Variants in SMG5 observed in about 807,000 individuals in gnomAD.
SMG5 encodes the protein SMG5 nonsense mediated mRNA decay factor.
Under a neutral mutation model 122.9 loss-of-function variants are expected in SMG5, and 53 were observed. That is an observed-to-expected ratio of 0.43 (90% CI 0.35 to 0.54). SMG5 has a LOEUF of 0.54. Ranked by LOEUF, SMG5 falls within the 20% of genes least tolerant of loss-of-function variation. SMG5 has a pLI of 0.01. For synonymous variants in SMG5, 477 were observed against 490.2 expected, an observed-to-expected ratio of 0.97 and a Z score of 0.35; for missense variants, 1,153 against 1,285.6, an observed-to-expected ratio of 0.90 and a Z score of 1.58.
At chr1:156,252,887 ACT>A (rs762918126) in intron 18 of SMG5, 30 bp downstream of exon 18, 55 of 1,515,290 alleles carry the variant, frequency 3.6e-5, no homozygotes, top group South Asian at 2.8e-4. Flanking sequence ...TTTTAGTCAT[ACT>A]CTGTCTCCTT....
upstream of SMG5, chr1:156,286,573 C>T: frequency 8.4e-7 from 1 of 1,188,560 alleles, no homozygotes; most frequent in South Asian, 1.4e-5. Context: ...TTTCCGGATT[C>T]TACACTGGCC....
Position 156,261,446 on chromosome 1 carries a change from G to A in SMG5, c.2032-38C>T, listed in dbSNP as rs770341259. 5.1e-6 allele frequency: 8 copies of A among 1,560,500 alleles called. No homozygotes were observed. In the East Asian group the frequency reaches 1.3e-4, roughly 26 times the overall value. On this transcript the variant is annotated intron_variant, in intron 13 of 21. Transcript: ENST00000361813. The stretch of plus-strand genomic sequence containing the variant: ...AAGGGAGAGGAGGCCTTCAGCTAGA[G>A]ACAGTGGTGGAGAACAGCAGTGAGC...
chr1:156,290,538 T>TA, the SMG5 span: 106,195 of 139,014 alleles, frequency 0.76, 40,587 homozygotes, highest in Non-Finnish European at 0.78. Context: ...ATCTATAATT[T>TA]AAAAAAAAAA....
At chr1:156,284,988 G>A (rs1051227204), upstream of SMG5, among the ~76,000 whole-genome samples, 1 of 152,110 alleles carries the variant, frequency 6.6e-6, no homozygotes, top group Non-Finnish European at 1.5e-5. Flanking sequence ...TCGAAAGGGT[G>A]CCTCCATTTC....
chr1:156,261,616 G>T (rs1454059167), intron 13 of SMG5, among the ~76,000 whole-genome samples: 4 of 152,090 alleles, frequency 2.6e-5, no homozygotes, highest in Admixed American at 2.6e-4. Context: ...GGCTGGGCAC[G>T]GTGGTTCATG....
chr1:156,261,200 G>A (rs1485964828), intron 14 of SMG5, 133 bp downstream of exon 14: 7 of 819,500 alleles, frequency 8.5e-6, no homozygotes, highest in Non-Finnish European at 1.2e-5. Context: ...AATGACTGCT[G>A]TGTGCTAGGG....
At chr1:156,280,770 C>T (rs1662900292) in intron 1 of SMG5, among the ~76,000 whole-genome samples, 1 of 152,176 alleles carries the variant, frequency 6.6e-6, no homozygotes, top group Admixed American at 6.5e-5. Flanking sequence ...TCTCATTTTC[C>T]ATCAGATCAT....
chr1:156,284,122 G>C (rs7534489), upstream of SMG5, among the ~76,000 whole-genome samples: 4,619 of 152,260 alleles, frequency 0.03, 227 homozygotes, highest in African/African-American at 0.11. Flanking sequence ...GAGTTCTTAC[G>C]CATTCCAGGT....
At chr1:156,259,204 C>T (rs770523340) in intron 15 of SMG5, 41 bp from the exon 16 acceptor site, 3 of 1,512,288 alleles carry the variant, frequency 2.0e-6, no homozygotes, top group Admixed American at 2.2e-5. Flanking sequence ...TGAGCAGGGC[C>T]CTCTAGACCC....
chr1:156,279,058 T>C (rs1442808421), intron 1 of SMG5, 24 bp from the exon 2 acceptor site: 1 of 1,595,670 alleles, frequency 6.3e-7, no homozygotes, highest in Non-Finnish European at 8.6e-7. Flanking sequence ...CAGGCAAATA[T>C]CCCCTCAGCC....
At position 156,253,070 on chromosome 1, in the gene SMG5, C is replaced by A; in HGVS notation, c.2511G>T (p.Val837=). The part of the protein sequence containing the change: ...DMAQLRLQLE[V]SQLEGSLQQP... ...GCTGCAGGCTGCCCTCCAGCTGAGA[C>A]ACTTCGAGCTGGTGAGAGAGGGCAA... The change falls in exon 18 of 22, where the codon GTG becomes GTT. Residue 837 remains valine (V), a synonymous_variant. Coordinates refer to ENST00000361813, the MANE Select transcript of SMG5 (RefSeq NM_015327.3). The A allele has an allele frequency of 6.2e-7, 1 of 1,604,742 alleles. No individual in the cohort carries two copies.
intron 14 of SMG5, 78 bp downstream of exon 14, chr1:156,261,255 G>A: frequency 7.2e-7 from 1 of 1,389,560 alleles, no homozygotes; most frequent in South Asian, 1.2e-5. Context: ...CAAGGGCTGG[G>A]TTATGGGGAG....
At chr1:156,286,295 T>C (rs1379834193), upstream of SMG5, 1 of 1,614,256 alleles carries the variant, frequency 6.2e-7, no homozygotes, top group South Asian at 1.1e-5. Context: ...GTTATGCTTT[T>C]CTGCCCTTCG....
intron 12 of SMG5, among the ~76,000 whole-genome samples, chr1:156,265,518 G>C (rs918100498): frequency 6.6e-6 from 1 of 152,318 alleles, no homozygotes; most frequent in Non-Finnish European, 1.5e-5. Flanking sequence ...CAATTGTTGT[G>C]TAGGGAGGAA....
At position 156,249,512 on chromosome 1, in the gene SMG5, C is replaced by T; in HGVS notation, c.*1075G>A. ...GCAGCCTCCCACACACAGCCCTGCT[C>T]TTGGTGCGCCATTCACTGCCCTGAG... On this transcript the variant is annotated 3_prime_UTR_variant, in exon 22 of 22. Coordinates refer to ENST00000361813, the MANE Select transcript of SMG5 (RefSeq NM_015327.3). 2 of 356,576 alleles carry T rather than the reference C, an allele frequency of 5.6e-6. 1 individual carries two copies. Among genetic ancestry groups the T allele is most frequent in the South Asian group, 4.2e-5 (2 of 47,494 alleles). 22.1% of individuals were successfully genotyped at this position (356,576 alleles called of 1,614,324 possible). A position where few individuals can be genotyped will look rare whatever the true frequency, so the allele number is the denominator to read the frequency against.
the SMG5 span, chr1:156,291,354 G>C: frequency 1.2e-5 from 20 of 1,607,266 alleles, no homozygotes; most frequent in Middle Eastern, 9.9e-4. Flanking sequence ...CTTCCCTCGA[G>C]AGTAGCCTGA....
chr1:156,282,523 G>GGGCCCCGCCCGCCCGGGA, intron 1 of SMG5, 84 bp downstream of exon 1: 1 of 1,464,452 alleles, frequency 6.8e-7, no homozygotes, highest in Non-Finnish European at 9.2e-7. Flanking sequence ...CCCGACACCC[G>GGGCCCCGCCCGCCCGGGA]GGCCCCGCCC....
intron 17 of SMG5, 26 bp downstream of exon 17, chr1:156,253,423 G>A: frequency 6.2e-7 from 1 of 1,609,604 alleles, no homozygotes; most frequent in Non-Finnish European, 8.5e-7. Context: ...AAGTGCAGAA[G>A]AAGCACTTGG....
intron 1 of SMG5, among the ~76,000 whole-genome samples, chr1:156,282,165 G>A (rs1351676362): frequency 2.6e-5 from 4 of 152,272 alleles, no homozygotes; most frequent in African/African-American, 9.6e-5. Context: ...GTCACACCGT[G>A]AGAGAGTGGC....
Sources: gnomAD v4.1 joint callset for allele counts (sites outside exome capture counted in the v4.1 genomes callset) on GRCh38, gnomAD v4.1.1 for gene constraint, MANE v1.5 for transcripts, NCBI Gene and HGNC (gene_info 2026-07-23, HGNC 2026-07-21) for gene names.